OTOA: variants seen among roughly 807,000 people sequenced by gnomAD.
OTOA encodes the protein otoancorin.
Under a neutral mutation model 110.8 loss-of-function variants are expected in OTOA, and 70 were observed. That is an observed-to-expected ratio of 0.63 (90% CI 0.52 to 0.77). The LOEUF (loss-of-function observed/expected upper bound fraction) is 0.77, where lower values mean the gene tolerates loss of function less well. Ranked by LOEUF, OTOA falls within the 30% of genes least tolerant of loss-of-function variation. OTOA has a pLI of 0.00. For missense variants in OTOA, 917 were observed against 1,075.8 expected (o/e 0.85, Z 2.06); for synonymous variants, 373 against 431.5 (o/e 0.86, Z 1.68).
chr16:21,728,396 G>A lies in OTOA; in HGVS notation c.2172G>A (p.Lys724=), dbSNP rs1428861535. 7 of 1,614,128 alleles carry A rather than the reference G, an allele frequency of 4.3e-6. No individual in the cohort carries two copies. In the East Asian group the frequency reaches 6.7e-5, roughly 15 times the overall value. ...GCCCAGACCTCAACCCTGAGCAAAA[G>A]GCTGCAGTGAGGCTCAAGCTCCTGG... is the stretch of plus-strand genomic sequence containing the variant. ...RDCPDLNPEQ[K]AAVRLKLLGQ... Residue 724 remains lysine, a synonymous_variant, in exon 20 of 29, where the codon AAG becomes AAA. Transcript: ENST00000646100.
intron 13 of OTOA, 29 bp from the exon 14 acceptor site, chr16:21,714,956 G>T (rs755896506): frequency 1.2e-6 from 2 of 1,613,528 alleles, no homozygotes; most frequent in Non-Finnish European, 1.7e-6. Context: ...CGGGAGCAGA[G>T]CCTGACTGCG....
chr16:21,680,309 C>T (rs1470635909), intron 5 of OTOA, among the ~76,000 whole-genome samples: 15 of 151,898 alleles, frequency 9.9e-5, no homozygotes, highest in Admixed American at 6.6e-5. Context: ...GTCAGGAGTT[C>T]GGGACCAGCC....
At chr16:21,713,483 C>G (rs1898421668) in intron 13 of OTOA, among the ~76,000 whole-genome samples, 1 of 152,138 alleles carries the variant, frequency 6.6e-6, no homozygotes, top group Admixed American at 6.6e-5. Context: ...TGTGGAATAA[C>G]AAACATTTAC....
chr16:21,679,167 T>C lies in OTOA; in HGVS notation c.152-17T>C. The C allele has an allele frequency of 6.2e-7, 1 of 1,613,878 alleles. No individual in the cohort carries two copies. Among genetic ancestry groups the C allele is most frequent in the Non-Finnish European group, 8.5e-7 (1 of 1,179,890 alleles). On this transcript the variant is annotated splice_polypyrimidine_tract_variant and intron_variant, in intron 4 of 28. Transcript: ENST00000646100. The stretch of plus-strand genomic sequence containing the variant: ...GATTCCTTTTAAAGATGTCTTTTCA[T>C]TTTACTCCCATTGTAGCACTGCTGG...
intron 15 of OTOA, among the ~76,000 whole-genome samples, chr16:21,717,673 G>C (rs1362970031): frequency 6.6e-6 from 1 of 152,172 alleles, no homozygotes; most frequent in East Asian, 1.9e-4. Flanking sequence ...GGGGGATGGT[G>C]CTGTTGAAGT....
At chr16:21,676,558 C>T (rs1269318414) in intron 1 of OTOA, among the ~76,000 whole-genome samples, 1 of 152,178 alleles carries the variant, frequency 6.6e-6, no homozygotes. Context: ...GAGCTATTCT[C>T]ATTCCCCTGT....
At chr16:21,724,441 G>A (rs958595860) in intron 18 of OTOA, among the ~76,000 whole-genome samples, 3 of 152,122 alleles carry the variant, frequency 2.0e-5, no homozygotes, top group Non-Finnish European at 4.4e-5. Context: ...GAGTAGATAG[G>A]GGAGAGAAGG....
At chr16:21,759,670 G>T (rs561890988) in intron 28 of OTOA, among the ~76,000 whole-genome samples, 2 of 152,220 alleles carry the variant, frequency 1.3e-5, no homozygotes, top group South Asian at 4.1e-4. Flanking sequence ...GGAGGCTGAG[G>T]CAGGTGGATC....
At chr16:21,722,083 A>T (rs1490347252) in intron 17 of OTOA, among the ~76,000 whole-genome samples, 1 of 132,862 alleles carries the variant, frequency 7.5e-6, no homozygotes, top group Non-Finnish European at 1.6e-5. Context: ...CCCCAAAAAA[A>T]CCCACTAAAA....
At chr16:21,758,739 G>C (rs1420277318) in intron 28 of OTOA, among the ~76,000 whole-genome samples, 1 of 150,998 alleles carries the variant, frequency 6.6e-6, no homozygotes, top group Non-Finnish European at 1.5e-5. Flanking sequence ...ATTGGCTCAT[G>C]CCTGTAATCC....
At chr16:21,687,278 A>G in intron 7 of OTOA, 135 bp from the exon 8 acceptor site, 2 of 767,226 alleles carry the variant, frequency 2.6e-6, no homozygotes, top group Admixed American at 2.0e-5. Flanking sequence ...GGAAAGTTCT[A>G]GAAGTTTCAA....
intron 16 of OTOA, 26 bp downstream of exon 16, chr16:21,719,217 T>C: frequency 6.2e-7 from 1 of 1,613,400 alleles, no homozygotes; most frequent in Non-Finnish European, 8.5e-7. Flanking sequence ...TCGGCCTGGG[T>C]GCTGAACAGG....
chr16:21,719,191 G>A lies in OTOA; in HGVS notation c.1688G>A (p.Ser563Asn). ...KTTRRPEELLSAGQLVKGVTC... is the reference protein window; with the variant it reads ...KTTRRPEELLNAGQLVKGVTC... ...ACCAGAAGGCCTGAGGAGCTTTTGA[G>A]GTAGGAAAATGTAACTCGGCCTGGG... The change falls in exon 16 of 29, where the codon AGT becomes AAT. Residue 563 changes from serine to asparagine, a missense_variant and splice_region_variant. By Grantham distance (46) the Ser-to-Asn change is conservative (BLOSUM62 1). Around this residue, in one of 6 missense-constraint regions of OTOA, gnomAD observed 840 missense variants for 910.2 expected, o/e 0.92. Coordinates refer to ENST00000646100, the MANE Select transcript of OTOA (RefSeq NM_144672.4). 1 of 1,614,128 alleles carries A rather than the reference G, an allele frequency of 6.2e-7. No homozygotes were observed. The highest frequency in any genetic ancestry group is 1.1e-5 in the South Asian group (1 of 91,078).
chr16:21,731,906 T>G (rs1431374762), intron 21 of OTOA, among the ~76,000 whole-genome samples: 1 of 152,186 alleles, frequency 6.6e-6, no homozygotes, highest in Non-Finnish European at 1.5e-5. Context: ...TAAAATCATA[T>G]TCTGGATGTC....
At chr16:21,684,575 C>T (rs1270060357) in intron 6 of OTOA, 6 of 1,533,908 alleles carry the variant, frequency 3.9e-6, no homozygotes, top group Admixed American at 2.0e-5. Flanking sequence ...ATGGGGGAAT[C>T]GGGCTGGCTG....
At chr16:21,737,057 T>C (rs1352833654) in intron 22 of OTOA, among the ~76,000 whole-genome samples, 2 of 152,302 alleles carry the variant, frequency 1.3e-5, no homozygotes, top group Non-Finnish European at 2.9e-5. Context: ...GTAAGCTCTT[T>C]AACCTCTGTG....
intron 12 of OTOA, among the ~76,000 whole-genome samples, chr16:21,706,553 ACCAGAT>A (rs1442294801): frequency 2.0e-5 from 3 of 152,062 alleles, no homozygotes; most frequent in Non-Finnish European, 4.4e-5. Flanking sequence ...AGTTCCCAAG[ACCAGAT>A]GAGCAAACAC....
At chr16:21,715,991 C>T (rs1402293395) in intron 14 of OTOA, among the ~76,000 whole-genome samples, 2 of 152,062 alleles carry the variant, frequency 1.3e-5, no homozygotes, top group Non-Finnish European at 2.9e-5. Context: ...TTCACTGCAG[C>T]CTCCACCTCT....
chr16:21,695,891 A>ATTTTTTTTT (rs386384450), intron 9 of OTOA, among the ~76,000 whole-genome samples: 14 of 41,892 alleles, frequency 3.3e-4, no homozygotes, highest in African/African-American at 8.8e-4. Flanking sequence ...ATATATATAT[A>ATTTTTTTTT]TTTTTTTTTT....
Sources: allele counts gnomAD v4.1 joint callset (sites outside exome capture counted in the v4.1 genomes callset), GRCh38; gene constraint gnomAD v4.1.1; regional missense constraint gnomAD v4.1.1; transcripts MANE v1.5; gene names NCBI Gene and HGNC (gene_info 2026-07-23, HGNC 2026-07-21).